RABGAP1L: variants seen among roughly 807,000 people sequenced by gnomAD.
RABGAP1L encodes the protein rab GTPase-activating protein 1-like.
In RABGAP1L, 63 loss-of-function variants were observed where a neutral mutation model predicts 137.7. The observed-to-expected ratio is 0.46, with a 90% CI of 0.37 to 0.56. RABGAP1L has a LOEUF of 0.56. Among genes scored for constraint, RABGAP1L ranks in the 20% least tolerant of loss-of-function variants. The probability of loss-of-function intolerance (pLI) is 0.00; values close to 1 mark genes in which losing one functional copy is unlikely to be tolerated. For synonymous variants in RABGAP1L, 431 were observed against 433.7 expected (o/e 0.99, Z 0.08); for missense variants, 1,095 against 1,244.0 (o/e 0.88, Z 1.80).
At chr1:174,391,408 T>TGAGGCC (rs1208540747) in intron 12 of RABGAP1L, among the ~76,000 whole-genome samples, 3 of 152,186 alleles carry the variant, frequency 2.0e-5, no homozygotes, top group African/African-American at 7.2e-5. Context: ...TCTCAACCTC[T>TGAGGCC]GAGGCTCAGG....
chr1:174,245,076 ATTTCTT>A (rs1467249161), intron 5 of RABGAP1L: 3 of 152,110 alleles, frequency 2.0e-5, no homozygotes, highest in African/African-American at 7.2e-5. Flanking sequence ...GCATGGGAAA[ATTTCTT>A]TTTCTTTGAG....
At chr1:174,282,239 T>G (rs536335363) in intron 10 of RABGAP1L, among the ~76,000 whole-genome samples, 1 of 152,330 alleles carries the variant, frequency 6.6e-6, no homozygotes, top group Non-Finnish European at 1.5e-5. Context: ...GCTTGACCAC[T>G]TTATTTTCCC....
At chr1:174,858,557 T>C (rs921178755) in intron 19 of RABGAP1L, among the ~76,000 whole-genome samples, 8 of 152,210 alleles carry the variant, frequency 5.3e-5, no homozygotes, top group Non-Finnish European at 1.5e-5. Context: ...TGAAAAACTC[T>C]TCCGTATGTG....
chr1:174,623,151 ATAAT>A (rs1464887679), intron 13 of RABGAP1L, among the ~76,000 whole-genome samples: 3 of 152,232 alleles, frequency 2.0e-5, no homozygotes, highest in Non-Finnish European at 2.9e-5. Context: ...GAAAGTTTTC[ATAAT>A]TAACACAGTC....
At chr1:174,598,326 CAAAAAAAA>C (rs35838560) in intron 13 of RABGAP1L, among the ~76,000 whole-genome samples, 1 of 68,700 alleles carries the variant, frequency 1.5e-5, no homozygotes, top group Non-Finnish European at 2.7e-5. Context: ...GACTCTGTCT[CAAAAAAAA>C]AAAAAAAAAA....
intron 13 of RABGAP1L, among the ~76,000 whole-genome samples, chr1:174,556,571 C>T (rs965821551): frequency 6.6e-6 from 1 of 152,154 alleles, no homozygotes; most frequent in African/African-American, 2.4e-5. Context: ...TTTGAGGAGT[C>T]AGAGCCAAAA....
chr1:174,167,957 A>G (rs1254746974), intron 1 of RABGAP1L, among the ~76,000 whole-genome samples: 3 of 152,098 alleles, frequency 2.0e-5, no homozygotes, highest in African/African-American at 7.2e-5. Flanking sequence ...ATTTTTCTGT[A>G]GTCAATTTAT....
chr1:174,896,253 G>C (rs532454021), intron 19 of RABGAP1L, among the ~76,000 whole-genome samples: 8 of 152,302 alleles, frequency 5.3e-5, no homozygotes, highest in African/African-American at 1.9e-4. Flanking sequence ...TTTGAGAAGT[G>C]TCTGTTCATA....
chr1:174,652,583 G>C (rs1361818723), intron 14 of RABGAP1L, among the ~76,000 whole-genome samples: 1 of 152,170 alleles, frequency 6.6e-6, no homozygotes, highest in East Asian at 1.9e-4. Flanking sequence ...GGAGTTTGCT[G>C]GAGGTCCATT....
chr1:174,587,707 G>A (rs1394932018), intron 13 of RABGAP1L, among the ~76,000 whole-genome samples: 1 of 152,028 alleles, frequency 6.6e-6, no homozygotes, highest in Non-Finnish European at 1.5e-5. Context: ...AAAGTAATGA[G>A]TACATAGTAG....
rs368502977 is a variant in RABGAP1L, at chr1:174,811,928, A to G, written c.2308A>G (p.Arg770Gly). The G allele has an allele frequency of 6.2e-7, 1 of 1,606,894 alleles. No homozygotes were observed. The highest frequency in any genetic ancestry group is 8.5e-7 in the Non-Finnish European group (1 of 1,176,392). ...GAGATACAGGGCAGAGGAAAATGCAAGAAGACTGATGGAGCAGGCTTGCAA... is the reference window on the plus strand; with the variant it reads ...GAGATACAGGGCAGAGGAAAATGCAGGAAGACTGATGGAGCAGGCTTGCAA... ...PKRYRAEENARRLMEQACNIK... is the reference protein window; with the variant it reads ...PKRYRAEENAGRLMEQACNIK... Residue 770 changes from arginine (R) to glycine (G), a missense_variant, in exon 19 of 26, where the codon AGA (arginine) becomes GGA (glycine). By Grantham distance (125) the Arg-to-Gly change is moderately radical. Transcript: ENST00000681986.
chr1:174,201,973 A>C (rs141647026), intron 1 of RABGAP1L, among the ~76,000 whole-genome samples: 1 of 151,944 alleles, frequency 6.6e-6, no homozygotes, highest in African/African-American at 2.4e-5. Flanking sequence ...CCTACAAAGG[A>C]CATGAACTCA....
chr1:174,440,684 T>C (rs1394787959), intron 13 of RABGAP1L, among the ~76,000 whole-genome samples: 4 of 152,060 alleles, frequency 2.6e-5, no homozygotes, highest in African/African-American at 9.7e-5. Context: ...GCCTCCTGAG[T>C]AGCTGGGATT....
At chr1:174,618,675 A>AATT (rs1672143008) in intron 13 of RABGAP1L, among the ~76,000 whole-genome samples, 1 of 152,200 alleles carries the variant, frequency 6.6e-6, no homozygotes, top group African/African-American at 2.4e-5. Context: ...AGGTAGATAA[A>AATT]ACCACAAAGA....
At chr1:174,256,571 A>G (rs918398459) in intron 7 of RABGAP1L, among the ~76,000 whole-genome samples, 1 of 152,136 alleles carries the variant, frequency 6.6e-6, no homozygotes, top group African/African-American at 2.4e-5. Context: ...TCACGAGGTC[A>G]AGAGATCGAG....
chr1:174,857,683 C>A (rs944049972), intron 19 of RABGAP1L, among the ~76,000 whole-genome samples: 1 of 152,096 alleles, frequency 6.6e-6, no homozygotes. Flanking sequence ...TCTACACCAA[C>A]ATATAATTAA....
intron 19 of RABGAP1L, among the ~76,000 whole-genome samples, chr1:174,884,496 AT>A (rs925117479): frequency 1.3e-5 from 2 of 152,206 alleles, no homozygotes; most frequent in African/African-American, 4.8e-5. Flanking sequence ...TTATCTGAAT[AT>A]TTTTTATTCT....
intron 13 of RABGAP1L, among the ~76,000 whole-genome samples, chr1:174,599,992 ATACCC>A (rs1430302028): frequency 3.3e-5 from 5 of 152,030 alleles, no homozygotes; most frequent in African/African-American, 9.7e-5. Context: ...TGATAAAGAC[ATACCC>A]AAGACTGGGA....
intron 17 of RABGAP1L, among the ~76,000 whole-genome samples, chr1:174,722,173 AC>A (rs1681597433): frequency 6.6e-6 from 1 of 151,634 alleles, no homozygotes; most frequent in Non-Finnish European, 1.5e-5. Context: ...CTTATGATCC[AC>A]CCGCCCCACC....
Sources: allele counts gnomAD v4.1 joint callset (sites outside exome capture counted in the v4.1 genomes callset), GRCh38; gene constraint gnomAD v4.1.1; transcripts MANE v1.5; gene names NCBI Gene and HGNC (gene_info 2026-07-23, HGNC 2026-07-21).